PLEKHG7: variants seen among roughly 807,000 people sequenced by gnomAD.
PLEKHG7 encodes the protein pleckstrin homology and RhoGEF domain containing G7, also known as pleckstrin homology domain-containing family G member 7.
A neutral mutation model predicts 85.2 loss-of-function variants in PLEKHG7; 77 were observed. The observed-to-expected ratio is 0.90, with a 90% CI of 0.75 to 1.09. The LOEUF is 1.09. Ranked by LOEUF, PLEKHG7 falls within the 50% of genes least tolerant of loss-of-function variation. The probability of loss-of-function intolerance (pLI) is 0.00; values close to 1 mark genes in which losing one functional copy is unlikely to be tolerated. For missense variants in PLEKHG7, 777 were observed against 804.3 expected (o/e 0.97, Z 0.41); for synonymous variants, 301 against 302.4 (o/e 1.00, Z 0.05).
In PLEKHG7 at chr12:92,732,230, C is replaced by T; in HGVS notation, c.659-3C>T. On this transcript the variant is annotated splice_polypyrimidine_tract_variant and splice_region_variant and intron_variant, in intron 4 of 16. Coordinates refer to ENST00000344636, the MANE Select transcript of PLEKHG7 (RefSeq NM_001377329.1). Reference sequence around the variant, plus strand: ...ATAATATATTGTCTTTAATTTCACCCAGAATCCAAAAAGCCAAGATGGCCT... The same window carrying T: ...ATAATATATTGTCTTTAATTTCACCTAGAATCCAAAAAGCCAAGATGGCCT... 2 of 1,229,980 alleles carry T rather than the reference C, an allele frequency of 1.6e-6. No individual in the cohort carries two copies. Among genetic ancestry groups the T allele is most frequent in the Non-Finnish European group, 2.0e-6 (2 of 986,138 alleles). The allele number at this position is 1,229,980 out of a possible 1,614,324, so 76.2% of individuals were successfully genotyped here.
chr12:92,761,733 C>G lies in PLEKHG7; in HGVS notation c.1637-19C>G. 6.4e-7 allele frequency: 1 copy of G among 1,550,710 alleles called. No individual in the cohort carries two copies. The highest frequency in any genetic ancestry group is 8.6e-7 in the Non-Finnish European group (1 of 1,157,388). On this transcript the variant is annotated intron_variant, in intron 13 of 16. Coordinates refer to ENST00000344636, the MANE Select transcript of PLEKHG7 (RefSeq NM_001377329.1). Reference sequence around the variant, plus strand: ...TAACAGTTTCAGGTCCCCATTTCAGCTTCTCTTTTTTTCCTCAGAAAGCAC... The same window carrying G: ...TAACAGTTTCAGGTCCCCATTTCAGGTTCTCTTTTTTTCCTCAGAAAGCAC...
chr12:92,738,251 T>G (rs571670638), intron 7 of PLEKHG7, among the ~76,000 whole-genome samples: 14 of 151,444 alleles, frequency 9.2e-5, no homozygotes, highest in Admixed American at 2.6e-4. Context: ...GAATTTTTTC[T>G]AGAAGAACAA....
chr12:92,763,993 C>T, intron 14 of PLEKHG7, 48 bp from the exon 15 acceptor site: 1 of 1,535,120 alleles, frequency 6.5e-7, no homozygotes, highest in African/African-American at 1.4e-5. Flanking sequence ...GATAAGTGTG[C>T]CAATATTTAT....
intron 10 of PLEKHG7, among the ~76,000 whole-genome samples, chr12:92,748,038 G>C: frequency 6.6e-6 from 1 of 152,158 alleles, no homozygotes; most frequent in South Asian, 2.1e-4. Flanking sequence ...TAGAAGATTT[G>C]AAATGTTCTC....
rs76861457 is a variant in PLEKHG7 at position 92,741,401 on chromosome 12, C to T, written c.1036-90C>T. 2.1e-3 allele frequency: 1,542 copies of T among 721,028 alleles called. 27 individuals carry two copies. In the African/African-American group the frequency reaches 0.024, roughly 11 times the overall value. The allele number at this position is 721,028 out of a possible 1,614,324, so 44.7% of individuals were successfully genotyped here. On this transcript the variant is annotated intron_variant, in intron 8 of 16. Coordinates refer to ENST00000344636, the MANE Select transcript of PLEKHG7 (RefSeq NM_001377329.1). ...GGAGATATATTTGAAATGGGAAACA[C>T]CTGTAAGAATGATACTTGAAGTTCA...
intron 3 of PLEKHG7, among the ~76,000 whole-genome samples, chr12:92,715,445 A>T (rs1189507674): frequency 6.6e-6 from 1 of 152,164 alleles, no homozygotes; most frequent in Non-Finnish European, 1.5e-5. Context: ...ATTAACCATC[A>T]CAAGATTCTT....
intron 4 of PLEKHG7, among the ~76,000 whole-genome samples, chr12:92,731,514 C>T (rs1021211497): frequency 1.3e-4 from 20 of 152,316 alleles, no homozygotes; most frequent in African/African-American, 4.3e-4. Flanking sequence ...ATGCCACCCA[C>T]ACCTAAGAGA....
At chr12:92,741,392 T>G in intron 8 of PLEKHG7, 99 bp from the exon 9 acceptor site, 1 of 622,432 alleles carries the variant, frequency 1.6e-6, no homozygotes, top group Non-Finnish European at 2.6e-6. Flanking sequence ...ATATTTGAAA[T>G]GGGAAACACC....
rs147691634 is a variant in PLEKHG7, at chr12:92,706,333, C to T, written c.-161-138C>T. ...TCACGTATATTAATTATCTTCTGAA[C>T]GTAAAGGATGCTGATGTGAACTGAG... On this transcript the variant is annotated intron_variant, in intron 1 of 16. Transcript: ENST00000344636. The T allele has an allele frequency of 2.5e-3, 681 of 271,096 alleles. 2 individuals carry two copies. Among genetic ancestry groups the T allele is most frequent in the African/African-American group, 0.014 (642 of 45,510 alleles). 16.8% of individuals were successfully genotyped at this position (271,096 alleles called of 1,614,324 possible). A position where few individuals can be genotyped will look rare whatever the true frequency, so the allele number is the denominator to read the frequency against.
At chr12:92,745,337 T>C in intron 9 of PLEKHG7, 141 bp from the exon 10 acceptor site, 1 of 602,498 alleles carries the variant, frequency 1.7e-6, no homozygotes, top group Non-Finnish European at 3.0e-6. Flanking sequence ...TTCCATGCAG[T>C]TGTGGCGCCT....
chr12:92,768,925 T>G, intron 15 of PLEKHG7, 58 bp from the exon 16 acceptor site: 2 of 1,215,148 alleles, frequency 1.6e-6, no homozygotes, highest in Non-Finnish European at 2.3e-6. Flanking sequence ...TACTAAGAAA[T>G]TGTTTGGATT....
At chr12:92,721,639 T>A in intron 3 of PLEKHG7, 1 of 576,338 alleles carries the variant, frequency 1.7e-6, no homozygotes, top group East Asian at 5.6e-5. Flanking sequence ...CACCCAGTTA[T>A]ACAACCTTCT....
chr12:92,712,124 C>G (rs1044880697), intron 3 of PLEKHG7, among the ~76,000 whole-genome samples: 3 of 152,186 alleles, frequency 2.0e-5, no homozygotes, highest in African/African-American at 7.2e-5. Context: ...AAATGTGTCA[C>G]CAATAAGTCC....
intron 1 of PLEKHG7, among the ~76,000 whole-genome samples, chr12:92,704,477 C>T (rs1871175379): frequency 6.6e-6 from 1 of 152,182 alleles, no homozygotes; most frequent in Non-Finnish European, 1.5e-5. Flanking sequence ...AAAACTAGTA[C>T]AATCTCACCT....
chr12:92,754,340 C>A, intron 11 of PLEKHG7, 76 bp downstream of exon 11: 1 of 1,390,186 alleles, frequency 7.2e-7, no homozygotes, highest in Non-Finnish European at 1.0e-6. Context: ...GGGCTTCCAT[C>A]CTAGGAGGTA....
intron 10 of PLEKHG7, among the ~76,000 whole-genome samples, chr12:92,746,787 C>A (rs1872545946): frequency 1.3e-5 from 2 of 152,192 alleles, no homozygotes; most frequent in Non-Finnish European, 2.9e-5. Context: ...AGAAACAACA[C>A]TCTCTTGAGT....
chr12:92,742,717 C>T lies in PLEKHG7; in HGVS notation c.1137+1125C>T, dbSNP rs1239328194. On this transcript the variant is annotated intron_variant, in intron 9 of 16. Transcript: ENST00000344636. ...TCTCATGCCTCAGCCTCCCAAGTAG[C>T]TGGGATTAAAAGCATGCACCACCAC... is the stretch of plus-strand genomic sequence containing the variant. Among the ~76,000 whole-genome samples the T allele has an allele frequency of 3.3e-5, 5 of 151,852 alleles. No homozygotes were observed. The East Asian group carries it at 9.7e-4, about 29-fold the overall frequency.
chr12:92,717,169 G>C (rs1476543446), intron 3 of PLEKHG7, among the ~76,000 whole-genome samples: 1 of 152,090 alleles, frequency 6.6e-6, no homozygotes, highest in African/African-American at 2.4e-5. Context: ...ATTTCTATAA[G>C]ACTATAGACT....
chr12:92,763,392 GAACTCAATACT>G (rs1592689749), intron 14 of PLEKHG7, among the ~76,000 whole-genome samples: 3 of 152,054 alleles, frequency 2.0e-5, no homozygotes, highest in Non-Finnish European at 4.4e-5. Flanking sequence ...CTCATTCATC[GAACTCAATACT>G]ATAGAGAGAT....
Sources: allele counts gnomAD v4.1 joint callset (sites outside exome capture counted in the v4.1 genomes callset), GRCh38; gene constraint gnomAD v4.1.1; transcripts MANE v1.5; gene names NCBI Gene and HGNC (gene_info 2026-07-23, HGNC 2026-07-21).